Variants in SCFD2 observed in about 807,000 individuals in gnomAD.
SCFD2 encodes sec1 family domain-containing protein 2.
A neutral mutation model predicts 58.9 loss-of-function variants in SCFD2; 54 were observed. That is an observed-to-expected ratio of 0.92 (90% CI 0.74 to 1.15). SCFD2 has a LOEUF of 1.15. Ranked by LOEUF, SCFD2 falls within the 50% of genes most tolerant of loss-of-function variation. The probability of loss-of-function intolerance (pLI) is 0.00; values close to 1 mark genes in which losing one functional copy is unlikely to be tolerated. For synonymous variants in SCFD2, 321 were observed against 335.9 expected (o/e 0.96, Z 0.49); for missense variants, 805 against 836.6 (o/e 0.96, Z 0.47).
At chr4:53,066,011 A>T (rs1244056695) in intron 5 of SCFD2, among the ~76,000 whole-genome samples, 1 of 152,142 alleles carries the variant, frequency 6.6e-6, no homozygotes, top group Non-Finnish European at 1.5e-5. Flanking sequence ...AACTTGTGGC[A>T]AGACCAGAAA....
At chr4:53,150,179 G>A (rs1311986373) in intron 4 of SCFD2, among the ~76,000 whole-genome samples, 1 of 152,090 alleles carries the variant, frequency 6.6e-6, no homozygotes. Flanking sequence ...AAAATGCTTA[G>A]GGAAGGTAAA....
chr4:52,907,659 G>A, intron 6 of SCFD2, 68 bp from the exon 7 acceptor site: 2 of 1,501,036 alleles, frequency 1.3e-6, no homozygotes, highest in Non-Finnish European at 1.8e-6. Flanking sequence ...AGCTTTATCT[G>A]CAATGAAGAA....
intron 5 of SCFD2, among the ~76,000 whole-genome samples, chr4:53,092,529 T>C (rs374368337): frequency 6.6e-6 from 1 of 152,070 alleles, no homozygotes; most frequent in East Asian, 1.9e-4. Context: ...AGCCCCCAAA[T>C]TGGAAACAAC....
At chr4:52,974,881 C>G (rs958757020) in intron 5 of SCFD2, among the ~76,000 whole-genome samples, 20 of 150,024 alleles carry the variant, frequency 1.3e-4, no homozygotes, top group Admixed American at 2.7e-4. Flanking sequence ...CTACAACCAT[C>G]TGATCTTTGA....
chr4:53,216,076 A>G (rs1480794368), intron 4 of SCFD2, among the ~76,000 whole-genome samples: 2 of 152,172 alleles, frequency 1.3e-5, no homozygotes, highest in African/African-American at 2.4e-5. Context: ...TTTTGCATCA[A>G]TGTTCATCAG....
At chr4:53,098,870 C>T (rs141031716) in intron 5 of SCFD2, among the ~76,000 whole-genome samples, 357 of 152,222 alleles carry the variant, frequency 2.3e-3, no homozygotes, top group Non-Finnish European at 4.1e-3. Context: ...GTCTCATCAA[C>T]TCCCTTAAAA....
intron 5 of SCFD2, among the ~76,000 whole-genome samples, chr4:52,935,751 T>C (rs535763183): frequency 1.3e-5 from 2 of 152,346 alleles, no homozygotes; most frequent in East Asian, 3.9e-4. Context: ...TCCTCAGACT[T>C]TGGGGTAGGT....
At chr4:53,173,539 T>C (rs1239818707) in intron 4 of SCFD2, among the ~76,000 whole-genome samples, 1 of 152,160 alleles carries the variant, frequency 6.6e-6, no homozygotes, top group Non-Finnish European at 1.5e-5. Flanking sequence ...CATTCAACTA[T>C]CCTGTTTCTT....
chr4:52,906,910 C>T (rs765471427), intron 7 of SCFD2, among the ~76,000 whole-genome samples: 9 of 152,142 alleles, frequency 5.9e-5, no homozygotes, highest in Non-Finnish European at 1.3e-4. Flanking sequence ...ACTTTTTCCT[C>T]CTTTCATCCC....
At chr4:53,272,629 C>T (rs181379313) in intron 4 of SCFD2, among the ~76,000 whole-genome samples, 2 of 150,902 alleles carry the variant, frequency 1.3e-5, no homozygotes, top group African/African-American at 4.9e-5. Context: ...CATGTTCTCA[C>T]TCATAGGTGG....
intron 2 of SCFD2, among the ~76,000 whole-genome samples, chr4:53,333,340 C>T (rs1294618824): frequency 7.0e-6 from 1 of 142,712 alleles, no homozygotes; most frequent in African/African-American, 2.7e-5. Flanking sequence ...CGCTACCTGA[C>T]TTCAAACTAT....
chr4:53,104,466 G>T (rs570940372), intron 5 of SCFD2, among the ~76,000 whole-genome samples: 4 of 152,170 alleles, frequency 2.6e-5, no homozygotes, highest in Non-Finnish European at 5.9e-5. Flanking sequence ...CAAAGGTGAC[G>T]TGATGAGTAA....
intron 5 of SCFD2, among the ~76,000 whole-genome samples, chr4:52,987,267 C>T (rs575396055): frequency 6.6e-6 from 1 of 152,294 alleles, no homozygotes; most frequent in East Asian, 1.9e-4. Context: ...CCGCCCGCCT[C>T]GGCCTCCCAA....
At chr4:53,257,347 C>T (rs577594872) in intron 4 of SCFD2, among the ~76,000 whole-genome samples, 1 of 152,294 alleles carries the variant, frequency 6.6e-6, no homozygotes, top group African/African-American at 2.4e-5. Flanking sequence ...CAGAAAGAAA[C>T]AGCAGCTGTC....
intron 4 of SCFD2, among the ~76,000 whole-genome samples, chr4:53,236,079 A>C (rs1465350178): frequency 1.3e-5 from 2 of 152,210 alleles, no homozygotes; most frequent in East Asian, 1.9e-4. Flanking sequence ...GTATTGGTAA[A>C]AGAGATTAAC....
chr4:52,880,009 C>G (rs952731197), intron 8 of SCFD2, among the ~76,000 whole-genome samples: 4 of 152,220 alleles, frequency 2.6e-5, no homozygotes, highest in Non-Finnish European at 5.9e-5. Context: ...CACACGCACA[C>G]ATACACACAC....
At chr4:53,329,478 G>A (rs1733348071) in intron 2 of SCFD2, among the ~76,000 whole-genome samples, 2 of 150,982 alleles carry the variant, frequency 1.3e-5, no homozygotes, top group Non-Finnish European at 3.0e-5. Context: ...CCCCCCAGCA[G>A]GGGCACACTG....
intron 4 of SCFD2, among the ~76,000 whole-genome samples, chr4:53,219,014 G>A (rs939442465): frequency 2.6e-5 from 4 of 152,134 alleles, no homozygotes; most frequent in East Asian, 1.9e-4. Flanking sequence ...AGCTCAGAGG[G>A]GTACCCGGCC....
intron 4 of SCFD2, among the ~76,000 whole-genome samples, chr4:53,200,999 TTTTAA>T (rs33930057): frequency 0.21 from 31,508 of 151,424 alleles, 3,663 homozygotes; most frequent in Non-Finnish European, 0.27. Flanking sequence ...ATTAATTTTA[TTTTAA>T]TTTAATTTAA....
Sources: gnomAD v4.1 joint callset for allele counts (sites outside exome capture counted in the v4.1 genomes callset) on GRCh38, gnomAD v4.1.1 for gene constraint, MANE v1.5 for transcripts, NCBI Gene and HGNC (gene_info 2026-07-23, HGNC 2026-07-21) for gene names.